Variants in SHROOM2 observed in about 807,000 individuals in gnomAD.
SHROOM2 encodes shroom family member 2, also known as protein Shroom2.
In SHROOM2, 33 loss-of-function variants were observed where a neutral mutation model predicts 75.9. The ratio of observed to expected loss-of-function variants is 0.43; its 90% CI spans 0.33 to 0.58. SHROOM2 has a LOEUF of 0.58. SHROOM2 is among the 20% of genes least tolerant of loss of function. The probability of loss-of-function intolerance (pLI) is 0.04; values close to 1 mark genes in which losing one functional copy is unlikely to be tolerated. For synonymous variants in SHROOM2, 655 were observed against 663.6 expected (o/e 0.99, Z 0.20); for missense variants, 1,434 against 1,461.2 (o/e 0.98, Z 0.30).
intron 1 of SHROOM2, among the ~76,000 whole-genome samples, chrX:9,803,108 T>G (rs1232460066): frequency 3.7e-5 from 3 of 82,184 alleles, no homozygotes; most frequent in African/African-American, 3.3e-4. Flanking sequence ...GGTTTTTTGT[T>G]TTTTTTTTTT....
intron 2 of SHROOM2, among the ~76,000 whole-genome samples, chrX:9,885,279 T>C (rs1480618885): frequency 9.1e-6 from 1 of 109,834 alleles, no homozygotes; most frequent in African/African-American, 3.3e-5. Flanking sequence ...CAGCCTTCAG[T>C]CTACTCAAGT....
intron 1 of SHROOM2, among the ~76,000 whole-genome samples, chrX:9,810,257 T>G (rs768500714): frequency 1.2e-4 from 13 of 110,379 alleles, no homozygotes; most frequent in Non-Finnish European, 1.7e-4. Flanking sequence ...GACCCAAACC[T>G]TCATTCCTGA....
intron 5 of SHROOM2, chrX:9,912,377 C>A (rs1367614410): frequency 9.0e-6 from 1 of 111,296 alleles, no homozygotes; most frequent in African/African-American, 3.3e-5. Flanking sequence ...ATGGGAAATG[C>A]AAGCGGAGCC....
chrX:9,864,590 G>C (rs752073864), intron 1 of SHROOM2, among the ~76,000 whole-genome samples: 1 of 110,306 alleles, frequency 9.1e-6, no homozygotes, highest in East Asian at 2.8e-4. Flanking sequence ...AGGCCGAGGC[G>C]GGCAGATCAC....
At chrX:9,904,042 C>T (rs974478570) in intron 5 of SHROOM2, among the ~76,000 whole-genome samples, 2 of 111,035 alleles carry the variant, frequency 1.8e-5, no homozygotes, top group African/African-American at 3.3e-5. Context: ...GGAGGAGAAG[C>T]GGGAGCAGGG....
rs1449040803 is a variant in SHROOM2 at position 9,849,178 on chromosome X, A to G, written c.166-24474A>G. On this transcript the variant is annotated intron_variant, in intron 1 of 9. Transcript: ENST00000380913. Reference sequence around the variant, plus strand: ...GAGTGCTGCAAGCCCTCCTGGATGCACCCAAGGACCCAGGAAGATGGGAGC... The same window carrying G: ...GAGTGCTGCAAGCCCTCCTGGATGCGCCCAAGGACCCAGGAAGATGGGAGC... Among the ~76,000 whole-genome samples, 3 of 111,566 alleles carry G rather than the reference A, an allele frequency of 2.7e-5. No individual in the cohort carries two copies. The Admixed American group carries it at 2.8e-4, about 11-fold the overall frequency.
intron 5 of SHROOM2, among the ~76,000 whole-genome samples, chrX:9,903,257 A>G (rs112237516): frequency 3.5e-4 from 39 of 112,412 alleles, no homozygotes; most frequent in Non-Finnish European, 6.6e-4. Context: ...GCCTTCAATT[A>G]GCTCAGGGCA....
intron 1 of SHROOM2, among the ~76,000 whole-genome samples, chrX:9,836,707 G>A (rs1039294043): frequency 2.7e-5 from 3 of 110,954 alleles, no homozygotes; most frequent in African/African-American, 6.6e-5. Flanking sequence ...GATTACAGGC[G>A]TGAGCCACTG....
chrX:9,830,751 A>G (rs1326818237), intron 1 of SHROOM2, among the ~76,000 whole-genome samples: 2 of 108,044 alleles, frequency 1.9e-5, no homozygotes, highest in Non-Finnish European at 3.8e-5. Context: ...ACAGGCATGC[A>G]CCACCATGCC....
chrX:9,848,300 C>A (rs7064923), intron 1 of SHROOM2, among the ~76,000 whole-genome samples: 1 of 104,269 alleles, frequency 9.6e-6, no homozygotes, highest in Non-Finnish European at 2.0e-5. Context: ...GTCAGGAGAT[C>A]GAGACCATCC....
intron 1 of SHROOM2, among the ~76,000 whole-genome samples, chrX:9,809,728 G>A (rs555401679): frequency 2.7e-5 from 3 of 112,674 alleles, no homozygotes; most frequent in African/African-American, 6.4e-5. Context: ...GAGTGCAGTG[G>A]CACGATCTCA....
chrX:9,931,111 A>G (rs1253789014), intron 5 of SHROOM2, among the ~76,000 whole-genome samples: 1 of 111,580 alleles, frequency 9.0e-6, no homozygotes, highest in African/African-American at 3.3e-5. Flanking sequence ...CACATGAGAA[A>G]TCTGACTTCT....
chrX:9,876,253 C>T (rs1289959922), intron 2 of SHROOM2, among the ~76,000 whole-genome samples: 3 of 111,890 alleles, frequency 2.7e-5, no homozygotes, highest in African/African-American at 9.8e-5. Context: ...TTTCAATAAC[C>T]GTGTTAGGAA....
intron 1 of SHROOM2, among the ~76,000 whole-genome samples, chrX:9,844,416 A>G (rs912969378): frequency 2.7e-5 from 3 of 111,277 alleles, no homozygotes; most frequent in African/African-American, 9.8e-5. Flanking sequence ...AGGCTGAGGC[A>G]GGAGGATCAC....
Position 9,795,790 on chromosome X carries a change from A to C in SHROOM2, c.165+9080A>C, listed in dbSNP as rs141093403. Among the ~76,000 whole-genome samples, 872 of 106,124 alleles carry C rather than the reference A, an allele frequency of 8.2e-3. 5 individuals carry two copies. The highest frequency in any genetic ancestry group is 0.014 in the Middle Eastern group (3 of 208). 92.2% of individuals were successfully genotyped at this position (106,124 alleles called of 115,157 possible). On this transcript the variant is annotated intron_variant, in intron 1 of 9. Transcript: ENST00000380913. The stretch of plus-strand genomic sequence containing the variant: ...TGTTTTTGTCAGATACTTTTTTTCT[A>C]CTTAATAAACTTCTGGTGTAGTACA...
intron 6 of SHROOM2, among the ~76,000 whole-genome samples, chrX:9,935,522 C>T (rs1351418239): frequency 9.1e-6 from 1 of 110,419 alleles, no homozygotes; most frequent in Admixed American, 9.7e-5. Flanking sequence ...ATGGTATTTT[C>T]CACAGTTAGA....
At chrX:9,803,173 C>T (rs1473684984) in intron 1 of SHROOM2, among the ~76,000 whole-genome samples, 2 of 105,333 alleles carry the variant, frequency 1.9e-5, no homozygotes, top group African/African-American at 3.5e-5. Flanking sequence ...CTCCTGAGCT[C>T]AAGCAGTCCT....
At chrX:9,868,129 CTT>C (rs2084150612) in intron 1 of SHROOM2, among the ~76,000 whole-genome samples, 2 of 111,924 alleles carry the variant, frequency 1.8e-5, no homozygotes, top group Admixed American at 1.9e-4. Context: ...AGCCATGAGT[CTT>C]TATGGTTTTG....
Position 9,800,787 on chromosome X carries a change from G to A in SHROOM2, c.165+14077G>A, listed in dbSNP as rs190551174. 3.0e-3 allele frequency among the ~76,000 whole-genome samples: 325 copies of A among 109,256 alleles called. 2 individuals carry two copies. Among genetic ancestry groups the A allele is most frequent in the African/African-American group, 0.01 (312 of 30,022 alleles). 94.9% of individuals were successfully genotyped at this position (109,256 alleles called of 115,157 possible). On this transcript the variant is annotated intron_variant, in intron 1 of 9. Coordinates refer to ENST00000380913, the MANE Select transcript of SHROOM2 (RefSeq NM_001649.4). ...CCCCAACCCTTGCCTCAGCCTCCGA[G>A]ATAGCTGGGACTACAGGCATGCGGC...
Sources: gnomAD v4.1 joint callset for allele counts (sites outside exome capture counted in the v4.1 genomes callset) on GRCh38, gnomAD v4.1.1 for gene constraint, MANE v1.5 for transcripts, NCBI Gene and HGNC (gene_info 2026-07-23, HGNC 2026-07-21) for gene names.